Variants in NFIB observed in about 807,000 individuals in gnomAD.
NFIB encodes nuclear factor I B.
A neutral mutation model predicts 61.5 loss-of-function variants in NFIB; 11 were observed. The ratio of observed to expected loss-of-function variants is 0.18; its 90% CI spans 0.11 to 0.30. The LOEUF (loss-of-function observed/expected upper bound fraction) is 0.30, where lower values mean the gene tolerates loss of function less well. Among genes scored for constraint, NFIB ranks in the 10% least tolerant of loss-of-function variants. The pLI is 1.00. For missense variants in NFIB, 471 were observed against 608.9 expected, an observed-to-expected ratio of 0.77 and a Z score of 2.38; for synonymous variants, 260 against 216.5, an observed-to-expected ratio of 1.20 and a Z score of -1.76.
the NFIB span, among the ~76,000 whole-genome samples, chr9:14,422,462 T>C: frequency 6.6e-6 from 1 of 152,202 alleles, no homozygotes; most frequent in Non-Finnish European, 1.5e-5. Context: ...AAAGTAAGGC[T>C]CCTTTCTCAT....
chr9:14,312,779 AC>A (rs2060344104), intron 1 of NFIB, among the ~76,000 whole-genome samples: 1 of 152,232 alleles, frequency 6.6e-6, no homozygotes, highest in Non-Finnish European at 1.5e-5. Flanking sequence ...CGTCAAATGA[AC>A]AGGTTTCCAC....
the NFIB span, among the ~76,000 whole-genome samples, chr9:14,521,301 G>T: frequency 3.3e-5 from 5 of 152,150 alleles, no homozygotes; most frequent in African/African-American, 7.2e-5. Flanking sequence ...TCTTTGATTT[G>T]GGCTAGAAGT....
intron 1 of NFIB, among the ~76,000 whole-genome samples, chr9:14,338,319 G>A (rs1370452962): frequency 2.6e-5 from 4 of 152,096 alleles, no homozygotes; most frequent in Non-Finnish European, 4.4e-5. Context: ...GCGTGAACCC[G>A]GGAGGCGGAG....
rs192015858 is a variant in NFIB at position 14,246,211 on chromosome 9, A to G, written c.562+60778T>C. 3.0e-3 allele frequency among the ~76,000 whole-genome samples: 462 copies of G among 152,172 alleles called. 2 individuals carry two copies. Among genetic ancestry groups the G allele is most frequent in the Non-Finnish European group, 4.8e-3 (328 of 67,994 alleles). On this transcript the variant is annotated intron_variant, in intron 2 of 10. Coordinates refer to ENST00000380953, the MANE Select transcript of NFIB (RefSeq NM_001190737.2). ...CTAATTTTAACACTTTCCCTTTTCC[A>G]TAAGACCTTCAAGGGCTTTCCACTG...
the NFIB span, among the ~76,000 whole-genome samples, chr9:14,424,760 C>G: frequency 9.2e-5 from 14 of 152,124 alleles, no homozygotes; most frequent in African/African-American, 3.4e-4. Context: ...GCGAAACAGG[C>G]TCTATGGAGA....
At chr9:14,442,957 A>G in the NFIB span, among the ~76,000 whole-genome samples, 8 of 152,052 alleles carry the variant, frequency 5.3e-5, no homozygotes, top group Admixed American at 5.2e-4. Flanking sequence ...CCAGGGCCAC[A>G]CTTGCGACAT....
the NFIB span, among the ~76,000 whole-genome samples, chr9:14,475,921 C>T: frequency 2.0e-5 from 3 of 152,198 alleles, no homozygotes; most frequent in African/African-American, 4.8e-5. Flanking sequence ...GTAGATCTTC[C>T]CCCACTTTAC....
At chr9:14,193,599 T>C (rs1046433207) in intron 2 of NFIB, among the ~76,000 whole-genome samples, 8 of 152,122 alleles carry the variant, frequency 5.3e-5, no homozygotes, top group Admixed American at 1.3e-4. Context: ...AATTACAAAA[T>C]AAGACAAAAG....
At chr9:14,493,600 T>A in the NFIB span, among the ~76,000 whole-genome samples, 9 of 152,328 alleles carry the variant, frequency 5.9e-5, no homozygotes, top group East Asian at 1.4e-3. Context: ...ATCTGTTCAA[T>A]GCTAAGAACG....
chr9:14,345,908 G>A (rs996662489), intron 1 of NFIB, among the ~76,000 whole-genome samples: 3 of 152,160 alleles, frequency 2.0e-5, no homozygotes, highest in Non-Finnish European at 2.9e-5. Context: ...CTCCTCGGGT[G>A]CCATTTCGAG....
intron 1 of NFIB, among the ~76,000 whole-genome samples, chr9:14,338,476 G>A (rs1056965858): frequency 2.0e-5 from 3 of 152,190 alleles, no homozygotes; most frequent in Admixed American, 6.5e-5. Context: ...AACAACTGGA[G>A]TTTGAACCTC....
At chr9:14,405,494 C>T in the NFIB span, among the ~76,000 whole-genome samples, 8 of 152,112 alleles carry the variant, frequency 5.3e-5, no homozygotes, top group South Asian at 6.2e-4. Context: ...CTATGTTATG[C>T]GGTGGCAAAA....
At chr9:14,121,285 T>C (rs1188758376) in intron 7 of NFIB, among the ~76,000 whole-genome samples, 1 of 152,186 alleles carries the variant, frequency 6.6e-6, no homozygotes, top group Non-Finnish European at 1.5e-5. Flanking sequence ...AAAAACATTT[T>C]GTCTCATAAG....
At chr9:14,336,721 C>A (rs2060889912) in intron 1 of NFIB, among the ~76,000 whole-genome samples, 1 of 150,718 alleles carries the variant, frequency 6.6e-6, no homozygotes, top group Non-Finnish European at 1.5e-5. Flanking sequence ...TAATGCTCTG[C>A]AGTCACCACA....
chr9:14,446,945 C>A, the NFIB span, among the ~76,000 whole-genome samples: 3 of 152,082 alleles, frequency 2.0e-5, no homozygotes, highest in African/African-American at 4.8e-5. Context: ...TCTGAAATAA[C>A]ATTTCCCCTG....
At chr9:14,134,793 A>G (rs2040814884) in intron 6 of NFIB, among the ~76,000 whole-genome samples, 1 of 145,546 alleles carries the variant, frequency 6.9e-6, no homozygotes, top group South Asian at 2.4e-4. Context: ...GCTACTGGGG[A>G]GGTTAGGGCA....
At chr9:14,108,555 T>G (rs2036897247) in intron 10 of NFIB, among the ~76,000 whole-genome samples, 2 of 152,082 alleles carry the variant, frequency 1.3e-5, no homozygotes, top group Non-Finnish European at 2.9e-5. Flanking sequence ...ACTAGACCAG[T>G]AATTGAAATT....
At chr9:14,369,488 G>A (rs1404727397) in intron 1 of NFIB, among the ~76,000 whole-genome samples, 1 of 151,558 alleles carries the variant, frequency 6.6e-6, no homozygotes, top group African/African-American at 2.4e-5. Context: ...ATGCCTTCTG[G>A]GTAGATCTAC....
intron 2 of NFIB, among the ~76,000 whole-genome samples, chr9:14,282,557 T>A (rs548262879): frequency 6.6e-6 from 1 of 152,234 alleles, no homozygotes; most frequent in East Asian, 1.9e-4. Context: ...TTGATAAACA[T>A]AGTCTTTAGA....
Sources: gnomAD v4.1 joint callset for allele counts (sites outside exome capture counted in the v4.1 genomes callset) on GRCh38, gnomAD v4.1.1 for gene constraint, MANE v1.5 for transcripts, NCBI Gene and HGNC (gene_info 2026-07-23, HGNC 2026-07-21) for gene names.